The following ZHX2 variants were observed in gnomAD, a reference collection of about 807,000 sequenced individuals.
ZHX2 encodes zinc fingers and homeoboxes 2, also known as zinc fingers and homeoboxes protein 2.
A neutral mutation model predicts 21.9 loss-of-function variants in ZHX2; 6 were observed. That is an observed-to-expected ratio of 0.27 (90% confidence interval 0.15 to 0.54). ZHX2 has a LOEUF of 0.54. Ranked by LOEUF, ZHX2 falls within the 20% of genes least tolerant of loss-of-function variation. The pLI is 0.95. For missense variants in ZHX2, 908 were observed against 1,090.7 expected (o/e 0.83, Z 2.36); for synonymous variants, 434 against 437.1 (o/e 0.99, Z 0.09).
At chr8:122,904,267 C>T (rs1409973941) in intron 2 of ZHX2, among the ~76,000 whole-genome samples, 1 of 152,208 alleles carries the variant, frequency 6.6e-6, no homozygotes, top group Non-Finnish European at 1.5e-5. Context: ...AACTGCTCTG[C>T]TGTAGCCAAA....
At chr8:122,920,284 C>CA (rs200454155) in intron 2 of ZHX2, among the ~76,000 whole-genome samples, 48 of 147,870 alleles carry the variant, frequency 3.2e-4, no homozygotes, top group Admixed American at 1.3e-3. Context: ...CAAAAACAAA[C>CA]AAAAAAAAAA....
chr8:122,838,143 T>C (rs910668535), intron 1 of ZHX2, among the ~76,000 whole-genome samples: 8 of 152,232 alleles, frequency 5.3e-5, no homozygotes, highest in African/African-American at 1.7e-4. Context: ...GCTCTCAGTT[T>C]GCAGAGCAAG....
intron 2 of ZHX2, among the ~76,000 whole-genome samples, chr8:122,918,558 A>G (rs562333757): frequency 7.0e-4 from 106 of 152,322 alleles, no homozygotes; most frequent in African/African-American, 2.4e-3. Flanking sequence ...TGGCCAAGAC[A>G]TATTTTAGGC....
chr8:122,864,271 G>C (rs1286243614), intron 2 of ZHX2, among the ~76,000 whole-genome samples: 1 of 151,076 alleles, frequency 6.6e-6, no homozygotes, highest in Non-Finnish European at 1.5e-5. Context: ...TTGAACTCGT[G>C]CCTGCAAATG....
intron 2 of ZHX2, among the ~76,000 whole-genome samples, chr8:122,902,811 A>C (rs1820262328): frequency 6.6e-6 from 1 of 152,224 alleles, no homozygotes; most frequent in Non-Finnish European, 1.5e-5. Flanking sequence ...TATGCCAACC[A>C]ACCAAACTCA....
chr8:122,881,732 T>G (rs1819717796), intron 2 of ZHX2, among the ~76,000 whole-genome samples: 1 of 152,212 alleles, frequency 6.6e-6, no homozygotes, highest in Middle Eastern at 3.2e-3. Context: ...ACAGGCCACG[T>G]AGGGACTAGA....
chr8:122,797,178 A>G (rs994299541), intron 1 of ZHX2, among the ~76,000 whole-genome samples: 11 of 152,138 alleles, frequency 7.2e-5, no homozygotes, highest in African/African-American at 2.7e-4. Context: ...GGCAGAGTTT[A>G]TTTCTTCCTT....
At chr8:122,847,191 C>T (rs992767245) in intron 1 of ZHX2, among the ~76,000 whole-genome samples, 21 of 152,184 alleles carry the variant, frequency 1.4e-4, no homozygotes, top group Non-Finnish European at 1.5e-5. Context: ...AGCCTCCTGC[C>T]AGGGCTGGGT....
At position 122,952,866 on chromosome 8, in the gene ZHX2, A is replaced by C. The variant is rs1362316717; in HGVS notation, c.1356A>C (p.Ala452=). 1 of 1,614,178 alleles carries C rather than the reference A, an allele frequency of 6.2e-7. No individual in the cohort carries two copies. Among genetic ancestry groups the C allele is most frequent in the East Asian group, 2.2e-5 (1 of 44,860 alleles). ...GCAAGAAGACAAAGGAGCAGATAGC[A>C]CATCTCAAGGCCAGCTTTCTCCAGA... ...SDRKKTKEQI[A]HLKASFLQSQ... is the part of the protein sequence containing the mutation. Residue 452 remains alanine, a synonymous_variant, in exon 3 of 4, where the codon GCA becomes GCC. Coordinates refer to ENST00000314393, the MANE Select transcript of ZHX2 (RefSeq NM_014943.5). The surrounding 1 kb of genome is among the most constrained non-coding windows in gnomAD (Gnocchi z 6.9).
At chr8:122,866,554 G>A (rs1049574529) in intron 2 of ZHX2, among the ~76,000 whole-genome samples, 5 of 152,122 alleles carry the variant, frequency 3.3e-5, no homozygotes, top group African/African-American at 1.2e-4. Context: ...CTGTGCCTAG[G>A]GGATCTAAAA....
chr8:122,911,458 G>A (rs959837414), intron 2 of ZHX2, among the ~76,000 whole-genome samples: 1 of 152,138 alleles, frequency 6.6e-6, no homozygotes, highest in African/African-American at 2.4e-5. Flanking sequence ...ACCTGGGGCC[G>A]GGGCAGGAGG....
intron 1 of ZHX2, among the ~76,000 whole-genome samples, chr8:122,850,498 G>T (rs1586325316): frequency 6.6e-6 from 1 of 152,106 alleles, no homozygotes; most frequent in Non-Finnish European, 1.5e-5. Flanking sequence ...AAATTAGCCA[G>T]GCATGGTGGT....
chr8:122,927,804 G>C (rs558461661), intron 2 of ZHX2, among the ~76,000 whole-genome samples: 9 of 152,248 alleles, frequency 5.9e-5, no homozygotes, highest in African/African-American at 2.2e-4. Flanking sequence ...GATTTGGGTG[G>C]GGACAGAGCC....
intron 2 of ZHX2, among the ~76,000 whole-genome samples, chr8:122,924,341 T>C (rs905171846): frequency 6.6e-6 from 1 of 152,198 alleles, no homozygotes; most frequent in Admixed American, 6.5e-5. Context: ...CCTGTCTGCC[T>C]CTGCACCCGA....
Position 122,855,642 on chromosome 8 carries a change from C to T in ZHX2, c.-282-7835C>T, listed in dbSNP as rs535830789. Among the ~76,000 whole-genome samples the T allele has an allele frequency of 5.3e-5, 8 of 152,174 alleles. No homozygotes were observed. The South Asian group carries it at 1.7e-3, about 32-fold the overall frequency. On this transcript the variant is annotated intron_variant, in intron 1 of 3. Coordinates refer to ENST00000314393, the MANE Select transcript of ZHX2 (RefSeq NM_014943.5). ...ATGAGTCAGTACATTTATGCGCTCA[C>T]ACACACATTTTTTTCTTTAAAAAAA...
At chr8:122,927,084 A>G (rs767167152) in intron 2 of ZHX2, among the ~76,000 whole-genome samples, 1 of 152,232 alleles carries the variant, frequency 6.6e-6, no homozygotes, top group African/African-American at 2.4e-5. Context: ...CACAGGGATT[A>G]TGTGTTTTCT....
intron 2 of ZHX2, among the ~76,000 whole-genome samples, chr8:122,946,605 G>A (rs1429411739): frequency 6.6e-6 from 1 of 152,110 alleles, no homozygotes; most frequent in African/African-American, 2.4e-5. Flanking sequence ...CGGGATATGG[G>A]AAGTTTCGGT....
At chr8:122,934,649 TCTTTATTA>T (rs1480592233) in intron 2 of ZHX2, among the ~76,000 whole-genome samples, 1 of 148,852 alleles carries the variant, frequency 6.7e-6, no homozygotes, top group African/African-American at 2.5e-5. Flanking sequence ...CTTCCTTCCT[TCTTTATTA>T]CCTTCCTTCC....
chr8:122,787,799 G>A (rs925312389), intron 1 of ZHX2, among the ~76,000 whole-genome samples: 4 of 152,180 alleles, frequency 2.6e-5, no homozygotes, highest in Non-Finnish European at 5.9e-5. Context: ...GTCCTGGTTG[G>A]ATGCCTGCAA....
Sources: gnomAD v4.1 joint callset for allele counts (sites outside exome capture counted in the v4.1 genomes callset) on GRCh38, gnomAD v4.1.1 for gene constraint, Gnocchi (gnomAD v3.1) non-coding constraint, MANE v1.5 for transcripts, NCBI Gene and HGNC (gene_info 2026-07-23, HGNC 2026-07-21) for gene names.